GHR: variants seen among roughly 807,000 people sequenced by gnomAD.
GHR encodes the protein growth hormone receptor, also known as GH receptor.
A neutral mutation model predicts 67.1 loss-of-function variants in GHR; 35 were observed. That is an observed-to-expected ratio of 0.52 (90% CI 0.40 to 0.69). GHR has a LOEUF of 0.69. GHR is among the 30% of genes least tolerant of loss of function. The probability of loss-of-function intolerance (pLI) is 0.00; values close to 1 mark genes in which losing one functional copy is unlikely to be tolerated. For synonymous variants in GHR, 272 were observed against 269.1 expected, an observed-to-expected ratio of 1.01 and a Z score of -0.10; for missense variants, 792 against 764.6, an observed-to-expected ratio of 1.04 and a Z score of -0.42.
At chr5:42,451,727 C>T (rs1744061034) in intron 1 of GHR, among the ~76,000 whole-genome samples, 1 of 151,534 alleles carries the variant, frequency 6.6e-6, no homozygotes, top group Admixed American at 6.6e-5. Context: ...AAACCTACTC[C>T]TGCTCACTTT....
At chr5:42,709,697 A>G (rs1758356172) in intron 6 of GHR, among the ~76,000 whole-genome samples, 1 of 152,184 alleles carries the variant, frequency 6.6e-6, no homozygotes, top group African/African-American at 2.4e-5. Context: ...ACAATGAAAC[A>G]TAATTAATAA....
chr5:42,627,235 G>A (rs146809600), intron 2 of GHR, among the ~76,000 whole-genome samples: 1 of 151,956 alleles, frequency 6.6e-6, no homozygotes, highest in African/African-American at 2.4e-5. Flanking sequence ...TGTTTAAAAA[G>A]AATTTATATT....
chr5:42,515,904 A>G (rs574644096), intron 1 of GHR, among the ~76,000 whole-genome samples: 1 of 152,298 alleles, frequency 6.6e-6, no homozygotes, highest in East Asian at 1.9e-4. Flanking sequence ...TGCTCCATCA[A>G]GTTGTTTGGT....
At chr5:42,484,678 A>G (rs1293358169) in intron 1 of GHR, among the ~76,000 whole-genome samples, 2 of 152,218 alleles carry the variant, frequency 1.3e-5, no homozygotes, top group Non-Finnish European at 2.9e-5. Flanking sequence ...GACAGGAAAA[A>G]GGTGCTTAGC....
intron 1 of GHR, among the ~76,000 whole-genome samples, chr5:42,534,801 A>G (rs918723661): frequency 1.3e-5 from 2 of 151,894 alleles, no homozygotes; most frequent in African/African-American, 4.8e-5. Context: ...TTCCCTGATC[A>G]CCGCATTCAT....
intron 1 of GHR, among the ~76,000 whole-genome samples, chr5:42,497,891 G>T (rs1023725686): frequency 1.6e-4 from 25 of 152,080 alleles, no homozygotes; most frequent in Admixed American, 1.1e-3. Context: ...TGTAGGTTGG[G>T]GAAGGAATGG....
chr5:42,719,668 T>C lies in GHR; in HGVS notation c.*244T>C, dbSNP rs1029523686. 4.4e-5 allele frequency: 22 copies of C among 496,398 alleles called. No homozygotes were observed. The Admixed American group carries it at 6.7e-4, about 15-fold the overall frequency. The allele number at this position is 496,398 out of a possible 1,614,324, so 30.7% of individuals were successfully genotyped here. A position where few individuals can be genotyped will look rare whatever the true frequency, so the allele number is the denominator to read the frequency against. ...TAAAGAATTGTGTCAGACTGTTTAG[T>C]AGCAGTGATTGTCTTAATATTGTGG... On this transcript the variant is annotated 3_prime_UTR_variant, in exon 10 of 10. Coordinates refer to ENST00000230882, the MANE Select transcript of GHR (RefSeq NM_000163.5).
intron 1 of GHR, among the ~76,000 whole-genome samples, chr5:42,427,380 A>G (rs577521473): frequency 6.6e-6 from 1 of 152,292 alleles, no homozygotes; most frequent in South Asian, 2.1e-4. Flanking sequence ...TGTGCAGGGG[A>G]ACTGCCCTTT....
At chr5:42,697,631 C>A (rs1757742601) in intron 5 of GHR, among the ~76,000 whole-genome samples, 1 of 152,110 alleles carries the variant, frequency 6.6e-6, no homozygotes, top group Non-Finnish European at 1.5e-5. Context: ...GGAGTGGGCA[C>A]AGAGTGAGCG....
At chr5:42,562,927 G>A (rs2112464332) in intron 1 of GHR, among the ~76,000 whole-genome samples, 1 of 152,282 alleles carries the variant, frequency 6.6e-6, no homozygotes, top group African/African-American at 2.4e-5. Context: ...GGGATTACAG[G>A]CATGAGCCAC....
chr5:42,459,478 CA>C (rs1230614141), intron 1 of GHR, among the ~76,000 whole-genome samples: 1 of 152,062 alleles, frequency 6.6e-6, no homozygotes, highest in Non-Finnish European at 1.5e-5. Flanking sequence ...CATATGAACA[CA>C]AAGAAGAGAG....
chr5:42,446,694 A>C (rs1209320905), intron 1 of GHR, among the ~76,000 whole-genome samples: 1 of 152,244 alleles, frequency 6.6e-6, no homozygotes, highest in Admixed American at 6.5e-5. Flanking sequence ...TTACTCTTAC[A>C]TAATTAGTAA....
At position 42,695,880 on chromosome 5, in the gene GHR, C is replaced by A. The variant is rs565549671; in HGVS notation, c.439+791C>A. 5.9e-5 allele frequency among the ~76,000 whole-genome samples: 9 copies of A among 152,250 alleles called. No homozygotes were observed. In the South Asian group the frequency reaches 1.7e-3, roughly 28 times the overall value. On this transcript the variant is annotated intron_variant, in intron 5 of 9. Transcript: ENST00000230882. Reference sequence around the variant, plus strand: ...CGTTGCTTCTCCCAAATGTATTGTTCTTTTTATGTGGTTTTCTAGGCATAA... The same window carrying A: ...CGTTGCTTCTCCCAAATGTATTGTTATTTTTATGTGGTTTTCTAGGCATAA...
chr5:42,596,781 G>T (rs977616253), intron 2 of GHR, among the ~76,000 whole-genome samples: 1 of 152,138 alleles, frequency 6.6e-6, no homozygotes, highest in African/African-American at 2.4e-5. Context: ...AAAGCACTTA[G>T]CAGGAAGCCA....
chr5:42,542,029 G>A (rs1240782061), intron 1 of GHR, among the ~76,000 whole-genome samples: 1 of 152,156 alleles, frequency 6.6e-6, no homozygotes, highest in Non-Finnish European at 1.5e-5. Flanking sequence ...TTATGATTTG[G>A]ACAACATCAT....
At chr5:42,486,990 A>C (rs1745915498) in intron 1 of GHR, among the ~76,000 whole-genome samples, 1 of 152,188 alleles carries the variant, frequency 6.6e-6, no homozygotes, top group Non-Finnish European at 1.5e-5. Context: ...AACACAGCAC[A>C]TCTGGTTCAC....
intron 3 of GHR, among the ~76,000 whole-genome samples, chr5:42,643,860 TA>T (rs538636326): frequency 4.6e-5 from 7 of 151,914 alleles, no homozygotes; most frequent in African/African-American, 9.7e-5. Context: ...GGTATTTTTT[TA>T]AAAAAAACTT....
chr5:42,503,349 AACAAG>A (rs1302641823), intron 1 of GHR, among the ~76,000 whole-genome samples: 2 of 152,374 alleles, frequency 1.3e-5, no homozygotes, highest in African/African-American at 2.4e-5. Flanking sequence ...AAGAAACAAA[AACAAG>A]ACAAGACAAA....
At chr5:42,538,564 TC>T (rs1410047277) in intron 1 of GHR, among the ~76,000 whole-genome samples, 1 of 152,220 alleles carries the variant, frequency 6.6e-6, no homozygotes, top group Non-Finnish European at 1.5e-5. Flanking sequence ...TGATAGATTT[TC>T]CTTTATAGGT....
Sources: gnomAD v4.1 joint callset for allele counts (sites outside exome capture counted in the v4.1 genomes callset) on GRCh38, gnomAD v4.1.1 for gene constraint, MANE v1.5 for transcripts, NCBI Gene and HGNC (gene_info 2026-07-23, HGNC 2026-07-21) for gene names.